Variants in MMP16 observed in about 807,000 individuals in gnomAD.
The protein encoded by MMP16 is matrix metallopeptidase 16, also known as matrix metalloproteinase-16.
A neutral mutation model predicts 67.8 loss-of-function variants in MMP16; 12 were observed. That is an observed-to-expected ratio of 0.18 (90% CI 0.11 to 0.29). The LOEUF (loss-of-function observed/expected upper bound fraction) is 0.29. MMP16 is among the 10% of genes least tolerant of loss of function. The pLI is 1.00. For synonymous variants in MMP16, 249 were observed against 255.9 expected, an observed-to-expected ratio of 0.97 and a Z score of 0.26; for missense variants, 475 against 765.7, an observed-to-expected ratio of 0.62 and a Z score of 4.48.
chr8:88,214,568 T>C (rs551134506), intron 1 of MMP16, among the ~76,000 whole-genome samples: 11 of 152,310 alleles, frequency 7.2e-5, no homozygotes, highest in African/African-American at 2.6e-4. Flanking sequence ...GAAGTAAGTA[T>C]ATATATGGAA....
At chr8:88,184,159 T>G (rs1809029389) in intron 3 of MMP16, among the ~76,000 whole-genome samples, 1 of 152,154 alleles carries the variant, frequency 6.6e-6, no homozygotes, top group Non-Finnish European at 1.5e-5. Flanking sequence ...TTTAATACTC[T>G]ATATTACTGC....
chr8:88,276,237 C>T (rs1417412090), intron 1 of MMP16, among the ~76,000 whole-genome samples: 1 of 152,036 alleles, frequency 6.6e-6, no homozygotes, highest in African/African-American at 2.4e-5. Flanking sequence ...CAAAAGTATA[C>T]CTTACATTGC....
chr8:88,084,888 A>C (rs1393532298), intron 6 of MMP16, among the ~76,000 whole-genome samples: 1 of 152,002 alleles, frequency 6.6e-6, no homozygotes, highest in African/African-American at 2.4e-5. Context: ...TAAGTTTATT[A>C]AACCTCCATT....
chr8:88,085,246 A>G (rs543657541), intron 6 of MMP16, among the ~76,000 whole-genome samples: 1 of 152,218 alleles, frequency 6.6e-6, no homozygotes, highest in South Asian at 2.1e-4. Context: ...AACTTGAAGA[A>G]GAAAAACTAT....
intron 4 of MMP16, among the ~76,000 whole-genome samples, chr8:88,147,054 G>A (rs1313167027): frequency 6.6e-6 from 1 of 151,836 alleles, no homozygotes; most frequent in Non-Finnish European, 1.5e-5. Flanking sequence ...CTTTGTAAGT[G>A]GCAAGTTTAG....
At position 88,327,105 on chromosome 8, in the gene MMP16, G is replaced by A. The variant is rs148050831; in HGVS notation, c.102C>T (p.Val34=). 31 of 1,613,880 alleles carry A rather than the reference G, an allele frequency of 1.9e-5. No homozygotes were observed. Among genetic ancestry groups the A allele is most frequent in the Non-Finnish European group, 2.1e-5 (25 of 1,179,986 alleles). ...CATTGAAATACTGCTCCGTTCCGCA[G>A]ACTGTAGCACATAAAATCCAAAGCA... ...QTLLWILCAT[V]CGTEQYFNVE... is the part of the protein sequence containing the mutation. The change falls in exon 1 of 10, where the codon GTC becomes GTT. Residue 34 remains valine, a synonymous_variant. Transcript: ENST00000286614.
chr8:88,189,235 A>G (rs1235564640), intron 2 of MMP16, among the ~76,000 whole-genome samples: 2 of 152,214 alleles, frequency 1.3e-5, no homozygotes, highest in Non-Finnish European at 2.9e-5. Flanking sequence ...TAAGACATGT[A>G]TCATTTAAAA....
chr8:88,283,726 A>G lies in MMP16; in HGVS notation c.132+43349T>C, dbSNP rs28986506. Reference sequence around the variant, plus strand: ...AACCAAAAATGCTTTAAAATTTTTTATTAATAATCATGAGGTTATACACTG... The same window carrying G: ...AACCAAAAATGCTTTAAAATTTTTTGTTAATAATCATGAGGTTATACACTG... On this transcript the variant is annotated intron_variant, in intron 1 of 9. Transcript: ENST00000286614. 6.2e-3 allele frequency among the ~76,000 whole-genome samples: 951 copies of G among 152,314 alleles called. 6 individuals carry two copies. Among genetic ancestry groups the G allele is most frequent in the African/African-American group, 0.022 (904 of 41,562 alleles).
At chr8:88,316,221 T>C (rs969724596) in intron 1 of MMP16, among the ~76,000 whole-genome samples, 18 of 152,120 alleles carry the variant, frequency 1.2e-4, no homozygotes, top group South Asian at 4.1e-4. Context: ...ATCCAGAAGA[T>C]CTAGCTAAAA....
At chr8:88,161,583 C>A (rs1808624536) in intron 4 of MMP16, among the ~76,000 whole-genome samples, 1 of 151,916 alleles carries the variant, frequency 6.6e-6, no homozygotes, top group Non-Finnish European at 1.5e-5. Flanking sequence ...TTATTTCTTG[C>A]CTTCTGATAG....
intron 8 of MMP16, among the ~76,000 whole-genome samples, chr8:88,048,803 T>TA (rs773234032): frequency 1.3e-5 from 2 of 152,152 alleles, no homozygotes; most frequent in African/African-American, 4.8e-5. Context: ...ATGATACATT[T>TA]AAAAAAATTA....
At chr8:88,170,242 C>T (rs1374791308) in intron 3 of MMP16, among the ~76,000 whole-genome samples, 1 of 152,154 alleles carries the variant, frequency 6.6e-6, no homozygotes, top group Non-Finnish European at 1.5e-5. Flanking sequence ...AGGGAGAAGG[C>T]TATGCAATAT....
chr8:88,203,197 G>A (rs1018309676), intron 1 of MMP16, among the ~76,000 whole-genome samples: 5 of 141,812 alleles, frequency 3.5e-5, no homozygotes, highest in South Asian at 4.5e-4. Flanking sequence ...TCCGTCACCC[G>A]GGTTCAAGGC....
intron 3 of MMP16, among the ~76,000 whole-genome samples, chr8:88,184,932 C>T (rs1215527654): frequency 6.6e-6 from 1 of 151,838 alleles, no homozygotes; most frequent in Non-Finnish European, 1.5e-5. Context: ...ATAATACTTT[C>T]TTAACTCTGT....
Position 88,099,085 on chromosome 8 carries a change from T to C in MMP16, c.1083+17422A>G, listed in dbSNP as rs577597570. Among the ~76,000 whole-genome samples, 8 of 151,888 alleles carry C rather than the reference T, an allele frequency of 5.3e-5. No individual in the cohort carries two copies. In the East Asian group the frequency reaches 1.4e-3, roughly 26 times the overall value. ...AATTATTTTTAGAAAATCTAACATA[T>C]AGATTCAAATTTTATGTACATGTTC... On this transcript the variant is annotated intron_variant, in intron 6 of 9. Coordinates refer to ENST00000286614, the MANE Select transcript of MMP16 (RefSeq NM_005941.5).
intron 7 of MMP16, chr8:88,069,424 T>C (rs1189779210): frequency 1.9e-6 from 1 of 529,742 alleles, no homozygotes; most frequent in African/African-American, 1.9e-5. Flanking sequence ...TCAGTTTGTC[T>C]TGAGAGCACA....
intron 1 of MMP16, among the ~76,000 whole-genome samples, chr8:88,215,719 A>C (rs1809581772): frequency 6.6e-6 from 1 of 152,136 alleles, no homozygotes; most frequent in Admixed American, 6.6e-5. Flanking sequence ...TCTTAATCTC[A>C]GTAGAGTTCA....
intron 6 of MMP16, among the ~76,000 whole-genome samples, chr8:88,110,122 AT>A (rs1164671095): frequency 2.0e-5 from 3 of 151,346 alleles, no homozygotes; most frequent in Non-Finnish European, 3.0e-5. Flanking sequence ...ACTGAAAATA[AT>A]TTTATTGAAT....
chr8:88,199,971 T>C (rs555459859), intron 1 of MMP16, among the ~76,000 whole-genome samples: 67 of 152,136 alleles, frequency 4.4e-4, no homozygotes, highest in Admixed American at 9.8e-4. Flanking sequence ...ATGAATGATA[T>C]ACAATTTGTA....
Sources: allele counts gnomAD v4.1 joint callset (sites outside exome capture counted in the v4.1 genomes callset), GRCh38; gene constraint gnomAD v4.1.1; transcripts MANE v1.5; gene names NCBI Gene and HGNC (gene_info 2026-07-23, HGNC 2026-07-21).